Variants in STARD13 observed in about 807,000 individuals in gnomAD.
The protein encoded by STARD13 is StAR related lipid transfer domain containing 13.
In STARD13, 62 loss-of-function variants were observed where a neutral mutation model predicts 106.4. The observed-to-expected ratio is 0.58, with a 90% CI of 0.48 to 0.72. The LOEUF (loss-of-function observed/expected upper bound fraction) is 0.72. Among genes scored for constraint, STARD13 ranks in the 30% least tolerant of loss-of-function variants. STARD13 has a pLI of 0.00. For synonymous variants in STARD13, 565 were observed against 553.0 expected, an observed-to-expected ratio of 1.02 and a Z score of -0.31; for missense variants, 1,387 against 1,424.0, an observed-to-expected ratio of 0.97 and a Z score of 0.42.
At chr13:33,482,155 T>A in the STARD13 span, among the ~76,000 whole-genome samples, 2 of 152,154 alleles carry the variant, frequency 1.3e-5, no homozygotes, top group Non-Finnish European at 2.9e-5. Context: ...ATTGACACAA[T>A]GACTGGAATT....
chr13:33,609,077 C>A, the STARD13 span, among the ~76,000 whole-genome samples: 1 of 106,692 alleles, frequency 9.4e-6, no homozygotes. Flanking sequence ...CAGAGCGAGA[C>A]TCCGTCTCAA....
upstream of STARD13, among the ~76,000 whole-genome samples, chr13:33,289,509 G>A (rs1467507465): frequency 1.3e-5 from 2 of 152,138 alleles, no homozygotes; most frequent in Non-Finnish European, 2.9e-5. Flanking sequence ...AGCAAGTGCA[G>A]AGCCTTTGTG....
chr13:33,517,597 C>A, the STARD13 span, among the ~76,000 whole-genome samples: 2 of 152,024 alleles, frequency 1.3e-5, no homozygotes, highest in Non-Finnish European at 2.9e-5. Flanking sequence ...CAAGGGAGTG[C>A]ATAAAGGTTC....
intron 1 of STARD13, among the ~76,000 whole-genome samples, chr13:33,206,666 TG>T (rs1169879848): frequency 6.6e-6 from 1 of 152,212 alleles, no homozygotes; most frequent in Non-Finnish European, 1.5e-5. Flanking sequence ...GTTGCTTCTC[TG>T]GGTTAACCAC....
the STARD13 span, among the ~76,000 whole-genome samples, chr13:33,390,971 A>C: frequency 6.6e-6 from 1 of 152,276 alleles, no homozygotes; most frequent in South Asian, 2.1e-4. Context: ...ATCAGGCAGC[A>C]CTTGAATTCT....
intron 1 of STARD13, among the ~76,000 whole-genome samples, chr13:33,170,438 T>G (rs983623575): frequency 6.6e-6 from 1 of 152,226 alleles, no homozygotes; most frequent in Non-Finnish European, 1.5e-5. Context: ...TGCATTTCAT[T>G]TTTTATGACA....
chr13:33,381,545 G>GC, the STARD13 span, among the ~76,000 whole-genome samples: 10 of 152,078 alleles, frequency 6.6e-5, no homozygotes, highest in Non-Finnish European at 1.2e-4. Flanking sequence ...TTCGAGACCA[G>GC]CCTGACCAAC....
the STARD13 span, among the ~76,000 whole-genome samples, chr13:33,500,135 C>T: frequency 6.6e-6 from 1 of 152,106 alleles, no homozygotes; most frequent in African/African-American, 2.4e-5. Flanking sequence ...AAAGCCCCAC[C>T]TCCAAATACC....
In STARD13 at chr13:33,183,610, C is replaced by T. The variant is rs562702875; in HGVS notation, c.170-15988G>A. On this transcript the variant is annotated intron_variant, in intron 1 of 13. Transcript: ENST00000336934. ...GCCAGACCCCAGCCTTAATCAATAA[C>T]AAGAAATCTCATGAAGCTTAGAGGT... Among the ~76,000 whole-genome samples the T allele has an allele frequency of 7.9e-5, 12 of 152,276 alleles. No homozygotes were observed. In the East Asian group the frequency reaches 2.1e-3, roughly 27 times the overall value.
the STARD13 span, among the ~76,000 whole-genome samples, chr13:33,581,937 A>G: frequency 2.4e-3 from 366 of 152,228 alleles, 6 homozygotes; most frequent in African/African-American, 8.6e-3. Flanking sequence ...ATAAACAATT[A>G]AAGATGAAAA....
At chr13:33,626,245 G>A in the STARD13 span, among the ~76,000 whole-genome samples, 3 of 152,118 alleles carry the variant, frequency 2.0e-5, no homozygotes, top group African/African-American at 7.2e-5. Context: ...ATTAGTGTAA[G>A]GACAAAGTCA....
At chr13:33,119,866 T>C (rs1456333168) in intron 7 of STARD13, among the ~76,000 whole-genome samples, 1 of 152,246 alleles carries the variant, frequency 6.6e-6, no homozygotes, top group Non-Finnish European at 1.5e-5. Flanking sequence ...ACAATATTTA[T>C]CTTCCTTCAA....
In STARD13 at chr13:33,215,435, C is replaced by T. The variant is rs77314164; in HGVS notation, c.170-47813G>A. On this transcript the variant is annotated intron_variant, in intron 1 of 13. Coordinates refer to ENST00000336934, the MANE Select transcript of STARD13 (RefSeq NM_178006.4). Reference sequence around the variant, plus strand: ...CATCCCCTCATAACCTATAAACATTCTTTCACTTTGTAATATAGCAAATGA... The same window carrying T: ...CATCCCCTCATAACCTATAAACATTTTTTCACTTTGTAATATAGCAAATGA... Among the ~76,000 whole-genome samples the T allele has an allele frequency of 5.2e-3, 788 of 152,334 alleles. 3 individuals are homozygous for T. The highest frequency in any genetic ancestry group is 0.018 in the African/African-American group (757 of 41,582).
At chr13:33,200,126 C>T (rs1886913023) in intron 1 of STARD13, among the ~76,000 whole-genome samples, 1 of 152,236 alleles carries the variant, frequency 6.6e-6, no homozygotes, top group African/African-American at 2.4e-5. Flanking sequence ...GGAGGCCCCA[C>T]AGAGGCTGAA....
chr13:33,162,449 A>G (rs757381662), intron 3 of STARD13, among the ~76,000 whole-genome samples: 41 of 152,222 alleles, frequency 2.7e-4, no homozygotes, highest in Admixed American at 8.5e-4. Context: ...ATTTCTCCTC[A>G]GAAAATGTGT....
chr13:33,475,262 A>G, the STARD13 span, among the ~76,000 whole-genome samples: 1 of 152,182 alleles, frequency 6.6e-6, no homozygotes. Context: ...GTTACTAAGA[A>G]TAAGAATTCT....
chr13:33,133,589 T>A (rs1253119836), intron 4 of STARD13, among the ~76,000 whole-genome samples: 2 of 151,058 alleles, frequency 1.3e-5, no homozygotes, highest in African/African-American at 4.9e-5. Context: ...TATTTGATAG[T>A]GACACACAAC....
the STARD13 span, among the ~76,000 whole-genome samples, chr13:33,428,296 C>G: frequency 6.6e-6 from 1 of 152,098 alleles, no homozygotes; most frequent in Non-Finnish European, 1.5e-5. Flanking sequence ...ACCTCAAAAG[C>G]ATGGGCAACA....
chr13:33,403,654 G>A, the STARD13 span, among the ~76,000 whole-genome samples: 3 of 152,104 alleles, frequency 2.0e-5, no homozygotes, highest in Non-Finnish European at 2.9e-5. Flanking sequence ...CTTCAAGTAC[G>A]CATCCCATCA....
Sources: allele counts gnomAD v4.1 joint callset (sites outside exome capture counted in the v4.1 genomes callset), GRCh38; gene constraint gnomAD v4.1.1; transcripts MANE v1.5; gene names NCBI Gene and HGNC (gene_info 2026-07-23, HGNC 2026-07-21).